Variants in UBE3D observed in about 807,000 individuals in gnomAD.
UBE3D encodes the protein ubiquitin protein ligase E3D.
A neutral mutation model predicts 49.6 loss-of-function variants in UBE3D; 48 were observed. The ratio of observed to expected loss-of-function variants is 0.97; its 90% CI spans 0.77 to 1.23. The LOEUF (loss-of-function observed/expected upper bound fraction) is 1.23, where lower values mean the gene tolerates loss of function less well. Among genes scored for constraint, UBE3D ranks in the 50% most tolerant of loss-of-function variants. UBE3D has a pLI of 0.00. For missense variants in UBE3D, 452 were observed against 468.4 expected, an observed-to-expected ratio of 0.96 and a Z score of 0.32; for synonymous variants, 189 against 174.2, an observed-to-expected ratio of 1.08 and a Z score of -0.67.
At chr6:82,903,293 AT>A (rs929389112) in intron 9 of UBE3D, among the ~76,000 whole-genome samples, 21 of 152,008 alleles carry the variant, frequency 1.4e-4, no homozygotes, top group African/African-American at 5.1e-4. Flanking sequence ...CTAGCACCCC[AT>A]TTTTTTGAGA....
chr6:82,964,275 G>A lies in UBE3D; in HGVS notation c.1011-6825C>T, dbSNP rs1327484111. 2.0e-5 allele frequency among the ~76,000 whole-genome samples: 3 copies of A among 152,108 alleles called. No homozygotes were observed. In the East Asian group the frequency reaches 5.8e-4, roughly 29 times the overall value. On this transcript the variant is annotated intron_variant, in intron 8 of 9. Transcript: ENST00000369747. ...AATGAATCAAACCAATCAATATCAA[G>A]AAAAGAACCTGAGTAAATAGAAAGG...
At chr6:82,984,852 G>C (rs1021955343) in intron 8 of UBE3D, among the ~76,000 whole-genome samples, 1 of 151,880 alleles carries the variant, frequency 6.6e-6, no homozygotes, top group Non-Finnish European at 1.5e-5. Flanking sequence ...TCACTCTGTT[G>C]CCCTGGCTGG....
At chr6:83,002,563 T>G (rs1049447331) in intron 8 of UBE3D, among the ~76,000 whole-genome samples, 1 of 152,212 alleles carries the variant, frequency 6.6e-6, no homozygotes, top group Non-Finnish European at 1.5e-5. Context: ...CGGGCACCTG[T>G]AATCCCAGCT....
rs576642600 is a variant in UBE3D at position 82,939,795 on chromosome 6, A to G, written c.1149+17517T>C. Among the ~76,000 whole-genome samples, 17 of 152,360 alleles carry G rather than the reference A, an allele frequency of 1.1e-4. No individual in the cohort carries two copies. The South Asian group carries it at 3.1e-3, about 28-fold the overall frequency. ...ATGTATCTCTATCATTAAGTGATACATGACGGTATTTCCTTTAGAATCAGG... is the reference window on the plus strand; with the variant it reads ...ATGTATCTCTATCATTAAGTGATACGTGACGGTATTTCCTTTAGAATCAGG... On this transcript the variant is annotated intron_variant, in intron 9 of 9. Coordinates refer to ENST00000369747, the MANE Select transcript of UBE3D (RefSeq NM_198920.3).
At chr6:82,969,988 C>T (rs1777228984) in intron 8 of UBE3D, among the ~76,000 whole-genome samples, 1 of 150,716 alleles carries the variant, frequency 6.6e-6, no homozygotes, top group South Asian at 2.1e-4. Context: ...TGGAACAAAA[C>T]ACAAAATACA....
At chr6:83,048,145 G>T (rs1443168581) in intron 3 of UBE3D, among the ~76,000 whole-genome samples, 1 of 150,984 alleles carries the variant, frequency 6.6e-6, no homozygotes, top group Non-Finnish European at 1.5e-5. Context: ...ATCAGTAACG[G>T]CAGGTCCTTA....
At chr6:82,969,531 C>A (rs1411113272) in intron 8 of UBE3D, among the ~76,000 whole-genome samples, 2 of 152,062 alleles carry the variant, frequency 1.3e-5, no homozygotes, top group African/African-American at 4.8e-5. Flanking sequence ...TCCCTTGAAC[C>A]CAGGTGGTGG....
the UBE3D span, among the ~76,000 whole-genome samples, chr6:82,882,905 G>A: frequency 6.6e-6 from 1 of 152,138 alleles, no homozygotes; most frequent in African/African-American, 2.4e-5. Context: ...AAAGGGCAAG[G>A]CAGCTAATCA....
At chr6:83,054,843 G>A (rs930301443) in intron 2 of UBE3D, among the ~76,000 whole-genome samples, 4 of 152,126 alleles carry the variant, frequency 2.6e-5, no homozygotes, top group African/African-American at 9.7e-5. Flanking sequence ...TAGAGACGGG[G>A]TTTCACCATC....
At chr6:83,054,099 A>G in intron 3 of UBE3D, 49 bp downstream of exon 3, 1 of 1,474,774 alleles carries the variant, frequency 6.8e-7, no homozygotes, top group Non-Finnish European at 9.5e-7. Context: ...AGAAAAAGAG[A>G]TAACCATTGC....
At chr6:82,928,034 A>T (rs1213053065) in intron 9 of UBE3D, among the ~76,000 whole-genome samples, 1 of 152,022 alleles carries the variant, frequency 6.6e-6, no homozygotes, top group Non-Finnish European at 1.5e-5. Context: ...CCTAATGTAA[A>T]CTATGGACTT....
intron 9 of UBE3D, among the ~76,000 whole-genome samples, chr6:82,936,634 G>A (rs1774597203): frequency 6.6e-6 from 1 of 152,132 alleles, no homozygotes; most frequent in South Asian, 2.1e-4. Context: ...ACCTTTGTAT[G>A]CTATGGATTA....
intron 8 of UBE3D, among the ~76,000 whole-genome samples, chr6:83,011,793 G>A (rs1259599107): frequency 2.0e-5 from 3 of 152,152 alleles, no homozygotes; most frequent in Non-Finnish European, 2.9e-5. Flanking sequence ...AAGCAATGTT[G>A]TGGGAAGAGG....
intron 8 of UBE3D, among the ~76,000 whole-genome samples, chr6:82,978,768 C>T (rs751568000): frequency 2.6e-5 from 4 of 152,174 alleles, no homozygotes; most frequent in Non-Finnish European, 5.9e-5. Flanking sequence ...ACAACGCACC[C>T]ATCCGTATGT....
rs527888242 is a variant in UBE3D at position 83,021,423 on chromosome 6, T to C, written c.846+1030A>G. Among the ~76,000 whole-genome samples the C allele has an allele frequency of 2.3e-4, 35 of 150,600 alleles. No individual in the cohort carries two copies. In the South Asian group the frequency reaches 6.7e-3, roughly 29 times the overall value. On this transcript the variant is annotated intron_variant, in intron 7 of 9. Coordinates refer to ENST00000369747, the MANE Select transcript of UBE3D (RefSeq NM_198920.3). ...TGCCATTGCACTCCAGCCTGTGTGA[T>C]AGAGTAAGACCTTGTCTCAAAAAAA... is the stretch of plus-strand genomic sequence containing the variant.
rs754678466 is a variant in UBE3D, at chr6:83,054,211, G to C, written c.302C>G (p.Ser101Trp). The C allele has an allele frequency of 1.2e-6, 2 of 1,613,716 alleles. No homozygotes were observed. Among genetic ancestry groups the C allele is most frequent in the Non-Finnish European group, 8.5e-7 (1 of 1,179,908 alleles). The change falls in exon 3 of 10, where the codon TCG becomes TGG. Residue 101 changes from serine (S) to tryptophan (W), a missense_variant. Coordinates refer to ENST00000369747, the MANE Select transcript of UBE3D (RefSeq NM_198920.3). ...AAACGTGCAACATTCTTGGGTTTGC[G>C]AGCTTTGATTAAACATTGAAATCAG... ...TKLISMFNQS[S>W]QTQECCTFYC...
At chr6:83,048,326 T>C (rs908672512) in intron 3 of UBE3D, among the ~76,000 whole-genome samples, 13 of 152,030 alleles carry the variant, frequency 8.6e-5, no homozygotes, top group African/African-American at 2.7e-4. Context: ...CAGGTCAGAT[T>C]TGAATTTTAC....
intron 2 of UBE3D, among the ~76,000 whole-genome samples, chr6:83,054,752 A>G (rs1244581533): frequency 3.3e-5 from 5 of 152,100 alleles, no homozygotes; most frequent in African/African-American, 1.2e-4. Context: ...CCTGGGTTCA[A>G]GCAATTCTCT....
intron 9 of UBE3D, among the ~76,000 whole-genome samples, chr6:82,953,919 G>A (rs1219510789): frequency 6.6e-6 from 1 of 152,214 alleles, no homozygotes. Flanking sequence ...ACGACAAGAA[G>A]CAGGTGGCCA....
Sources: gnomAD v4.1 joint callset for allele counts (sites outside exome capture counted in the v4.1 genomes callset) on GRCh38, gnomAD v4.1.1 for gene constraint, MANE v1.5 for transcripts, NCBI Gene and HGNC (gene_info 2026-07-23, HGNC 2026-07-21) for gene names.